STAG1: variants seen among roughly 807,000 people sequenced by gnomAD.
STAG1 encodes cohesin subunit SA-1.
STAG1 carries 26 observed loss-of-function variants against 170.9 expected under a neutral mutation model. The ratio of observed to expected loss-of-function variants is 0.15; its 90% CI spans 0.11 to 0.21. The LOEUF (loss-of-function observed/expected upper bound fraction) is 0.21. Ranked by LOEUF, STAG1 falls within the 10% of genes least tolerant of loss-of-function variation. STAG1 has a pLI of 1.00. For missense variants in STAG1, 964 were observed against 1,509.5 expected (o/e 0.64, Z 5.99); for synonymous variants, 514 against 497.7 (o/e 1.03, Z -0.44).
In STAG1 at chr3:136,396,520, C is replaced by CTTTTTTTTT. The variant is rs146270857; in HGVS notation, c.2277+2220_2277+2228dup. Among the ~76,000 whole-genome samples the CTTTTTTTTT allele has an allele frequency of 1.6e-3, 68 of 43,656 alleles. 10 individuals carry two copies. Among genetic ancestry groups the CTTTTTTTTT allele is most frequent in the East Asian group, 6.2e-3 (7 of 1,136 alleles). 28.6% of individuals were successfully genotyped at this position (43,656 alleles called of 152,430 possible). A position where few individuals can be genotyped will look rare whatever the true frequency, so the allele number is the denominator to read the frequency against. ...ACAGGCGTGAGCCACCGCGCCTGGC[C>CTTTTTTTTT]TTTTTTTTTTTTTTTTTTTTTTTTT... is the stretch of plus-strand genomic sequence containing the variant. On this transcript the variant is annotated intron_variant, in intron 22 of 33. Coordinates refer to ENST00000383202, the MANE Select transcript of STAG1 (RefSeq NM_005862.3).
chr3:136,558,824 T>TTGC lies in STAG1; in HGVS notation c.394+9940_394+9941insGCA, dbSNP rs1336617919. On this transcript the variant is annotated intron_variant, in intron 5 of 33. Transcript: ENST00000383202. ...AATTAATATGTGCAAAAGATAGCTT[T>TTGC]TAGTAACCACTGTCTACATTACCCA... 2.9e-4 allele frequency among the ~76,000 whole-genome samples: 44 copies of TTGC among 152,334 alleles called. 1 individual carries two copies. The highest frequency in any genetic ancestry group is 1.0e-3 in the African/African-American group (43 of 41,576).
At position 136,380,794 on chromosome 3, in the gene STAG1, C is replaced by T. The variant is rs543126426; in HGVS notation, c.2278-3042G>A. Among the ~76,000 whole-genome samples, 4 of 151,566 alleles carry T rather than the reference C, an allele frequency of 2.6e-5. No homozygotes were observed. In the South Asian group the frequency reaches 6.3e-4, roughly 24 times the overall value. On this transcript the variant is annotated intron_variant, in intron 22 of 33. Coordinates refer to ENST00000383202, the MANE Select transcript of STAG1 (RefSeq NM_005862.3). Reference sequence around the variant, plus strand: ...GAGCACTTTGGGAGGCTGAGGTTGGCGGATCATCTGAGGTCAGGAGTTCAA... The same window carrying T: ...GAGCACTTTGGGAGGCTGAGGTTGGTGGATCATCTGAGGTCAGGAGTTCAA...
chr3:136,720,756 T>C (rs932195225), intron 1 of STAG1, among the ~76,000 whole-genome samples: 3 of 151,082 alleles, frequency 2.0e-5, no homozygotes, highest in African/African-American at 7.3e-5. Flanking sequence ...GCCATTGTAC[T>C]CCAGTCTGGG....
intron 3 of STAG1, among the ~76,000 whole-genome samples, chr3:136,620,106 GAAGTA>G (rs2107827532): frequency 6.6e-6 from 1 of 151,962 alleles, no homozygotes; most frequent in Non-Finnish European, 1.5e-5. Context: ...ACATAAAATA[GAAGTA>G]AAGGAAACAA....
chr3:136,731,959 C>T (rs1009726501), intron 1 of STAG1, among the ~76,000 whole-genome samples: 8 of 152,074 alleles, frequency 5.3e-5, no homozygotes, highest in Non-Finnish European at 8.8e-5. Flanking sequence ...AAACTAATGA[C>T]TTTCAAATCA....
At chr3:136,353,637 C>G (rs1022021794) in intron 28 of STAG1, among the ~76,000 whole-genome samples, 1 of 152,196 alleles carries the variant, frequency 6.6e-6, no homozygotes, top group Non-Finnish European at 1.5e-5. Flanking sequence ...AACTGCTGGG[C>G]TCAAGCAATC....
intron 1 of STAG1, among the ~76,000 whole-genome samples, chr3:136,660,931 T>C (rs1941556905): frequency 6.6e-6 from 1 of 151,992 alleles, no homozygotes; most frequent in Non-Finnish European, 1.5e-5. Flanking sequence ...ATTGTGTCAC[T>C]GCACTCCAGC....
chr3:136,740,038 T>A (rs1934579925), intron 1 of STAG1, among the ~76,000 whole-genome samples: 1 of 152,158 alleles, frequency 6.6e-6, no homozygotes, highest in African/African-American at 2.4e-5. Context: ...TGCTTTTTCT[T>A]TTCTTTGTGA....
At chr3:136,413,601 G>C (rs1445406199) in intron 21 of STAG1, among the ~76,000 whole-genome samples, 1 of 152,020 alleles carries the variant, frequency 6.6e-6, no homozygotes, top group Non-Finnish European at 1.5e-5. Context: ...TGAAATTACA[G>C]ACATGTGCCA....
chr3:136,731,268 TG>T (rs1240786009), intron 1 of STAG1, among the ~76,000 whole-genome samples: 2 of 150,918 alleles, frequency 1.3e-5, no homozygotes, highest in South Asian at 2.1e-4. Context: ...CAATACAGAA[TG>T]TTTATGATAC....
chr3:136,568,879 A>T lies in STAG1; in HGVS notation c.298-18T>A. 1.3e-6 allele frequency: 2 copies of T among 1,570,562 alleles called. No homozygotes were observed. The highest frequency in any genetic ancestry group is 1.7e-6 in the Non-Finnish European group (2 of 1,155,416). On this transcript the variant is annotated intron_variant, in intron 4 of 33. Coordinates refer to ENST00000383202, the MANE Select transcript of STAG1 (RefSeq NM_005862.3). ...ACCACGGACTGTGGAAAAAAAATATAAAAATGAAAACTTCAAAAAAATTTG... is the reference window on the plus strand; with the variant it reads ...ACCACGGACTGTGGAAAAAAAATATTAAAATGAAAACTTCAAAAAAATTTG...
At chr3:136,531,809 T>C (rs1935385082) in intron 6 of STAG1, among the ~76,000 whole-genome samples, 1 of 149,878 alleles carries the variant, frequency 6.7e-6, no homozygotes, top group Admixed American at 6.7e-5. Flanking sequence ...TACCTAATGC[T>C]AGATGATGAG....
Position 136,542,007 on chromosome 3 carries a change from A to G in STAG1, c.471+112T>C, listed in dbSNP as rs1244046059. 8 of 770,830 alleles carry G rather than the reference A, an allele frequency of 1.0e-5. No individual in the cohort carries two copies. In the African/African-American group the frequency reaches 1.2e-4, roughly 12 times the overall value. The allele number at this position is 770,830 out of a possible 1,614,324, so 47.7% of individuals were successfully genotyped here. A position where few individuals can be genotyped will look rare whatever the true frequency, so the allele number is the denominator to read the frequency against. On this transcript the variant is annotated intron_variant, in intron 6 of 33. Coordinates refer to ENST00000383202, the MANE Select transcript of STAG1 (RefSeq NM_005862.3). ...ACAGATTATCATATATAATTAAAAAATAGATTTTCAGTTACACTAAACATC... is the reference window on the plus strand; with the variant it reads ...ACAGATTATCATATATAATTAAAAAGTAGATTTTCAGTTACACTAAACATC...
chr3:136,582,093 G>A (rs1937602355), intron 4 of STAG1, among the ~76,000 whole-genome samples: 1 of 151,752 alleles, frequency 6.6e-6, no homozygotes, highest in Admixed American at 6.6e-5. Flanking sequence ...AAGTCACTAA[G>A]TGCTGACTAT....
At chr3:136,711,555 T>C (rs1241063877) in intron 1 of STAG1, among the ~76,000 whole-genome samples, 2 of 132,478 alleles carry the variant, frequency 1.5e-5, no homozygotes, top group African/African-American at 3.2e-5. Context: ...AGCGAGAGCA[T>C]GTTTCAAGGA....
chr3:136,703,021 T>C (rs1194044196), intron 1 of STAG1, among the ~76,000 whole-genome samples: 4 of 147,434 alleles, frequency 2.7e-5, no homozygotes, highest in African/African-American at 7.7e-5. Flanking sequence ...TGAGCTGATA[T>C]TGCGCCACTG....
chr3:136,738,912 T>C (rs1349216208), intron 1 of STAG1, among the ~76,000 whole-genome samples: 2 of 152,150 alleles, frequency 1.3e-5, no homozygotes, highest in Non-Finnish European at 2.9e-5. Flanking sequence ...AATTTGTCCA[T>C]TTAAAAATAA....
At chr3:136,720,516 A>C (rs1303875648) in intron 1 of STAG1, among the ~76,000 whole-genome samples, 1 of 152,038 alleles carries the variant, frequency 6.6e-6, no homozygotes, top group Admixed American at 6.6e-5. Context: ...TGGGCTGAGC[A>C]CGGTGGCTCA....
intron 4 of STAG1, among the ~76,000 whole-genome samples, chr3:136,598,241 C>T (rs1259424449): frequency 6.6e-6 from 1 of 152,050 alleles, no homozygotes; most frequent in African/African-American, 2.4e-5. Context: ...TTCCTTTCTT[C>T]ACAGTAATGT....
Sources: gnomAD v4.1 joint callset for allele counts (sites outside exome capture counted in the v4.1 genomes callset) on GRCh38, gnomAD v4.1.1 for gene constraint, MANE v1.5 for transcripts, NCBI Gene and HGNC (gene_info 2026-07-23, HGNC 2026-07-21) for gene names.